Variants in FHIT observed in about 807,000 individuals in gnomAD.
FHIT encodes the protein fragile histidine triad diadenosine triphosphatase.
A neutral mutation model predicts 17.9 loss-of-function variants in FHIT; 19 were observed. That is an observed-to-expected ratio of 1.06 (90% confidence interval 0.74 to 1.56). FHIT has a LOEUF of 1.56. Among genes scored for constraint, FHIT ranks in the 40% most tolerant of loss-of-function variants. The pLI is 0.00. For missense variants in FHIT, 248 were observed against 189.2 expected, an observed-to-expected ratio of 1.31 and a Z score of -1.82; for synonymous variants, 81 against 69.7, an observed-to-expected ratio of 1.16 and a Z score of -0.81.
intron 3 of FHIT, among the ~76,000 whole-genome samples, chr3:60,951,411 C>T (rs1025146042): frequency 3.3e-4 from 50 of 152,280 alleles, no homozygotes; most frequent in African/African-American, 1.2e-3. Flanking sequence ...ACTATGGTGT[C>T]AGGTGCTACT....
intron 8 of FHIT, among the ~76,000 whole-genome samples, chr3:59,800,527 C>T (rs908670717): frequency 2.0e-5 from 3 of 152,170 alleles, no homozygotes; most frequent in African/African-American, 7.2e-5. Flanking sequence ...CAGAGAGTTA[C>T]AAGACACATT....
At position 60,492,855 on chromosome 3, in the gene FHIT, T is replaced by G. The variant is rs2034125735; in HGVS notation, c.103+44005A>C. On this transcript the variant is annotated intron_variant, in intron 5 of 9. Transcript: ENST00000492590. The stretch of plus-strand genomic sequence containing the variant: ...AAAGCCATGTGCACAAAAGATTTAG[T>G]GCATTCATGTGTCTTTATTCATTCA... Among the ~76,000 whole-genome samples the G allele has an allele frequency of 2.0e-5, 3 of 152,142 alleles. No homozygotes were observed. The South Asian group carries it at 6.2e-4, about 32-fold the overall frequency.
intron 1 of FHIT, chr3:61,244,136 G>T (rs2040433130): frequency 6.6e-6 from 1 of 152,080 alleles, no homozygotes; most frequent in African/African-American, 2.4e-5. Flanking sequence ...AATCTTAGAT[G>T]CACTTTAGAA....
At chr3:60,701,370 C>A (rs782744660) in intron 4 of FHIT, among the ~76,000 whole-genome samples, 6 of 152,112 alleles carry the variant, frequency 3.9e-5, no homozygotes, top group Non-Finnish European at 7.3e-5. Flanking sequence ...GTTTAATTCA[C>A]GCAGAGCAGG....
chr3:59,903,129 T>C (rs1704411216), intron 8 of FHIT, among the ~76,000 whole-genome samples: 1 of 152,140 alleles, frequency 6.6e-6, no homozygotes, highest in Admixed American at 6.5e-5. Flanking sequence ...TGCGGATACA[T>C]GCCAAAAGAT....
chr3:60,188,868 G>A (rs1377027367), intron 5 of FHIT, among the ~76,000 whole-genome samples: 1 of 151,964 alleles, frequency 6.6e-6, no homozygotes, highest in Non-Finnish European at 1.5e-5. Context: ...CTCTCACAAA[G>A]CAATTTTTTT....
chr3:60,805,486 T>C (rs1194195103), intron 4 of FHIT, among the ~76,000 whole-genome samples: 1 of 152,152 alleles, frequency 6.6e-6, no homozygotes, highest in Non-Finnish European at 1.5e-5. Context: ...AGGGCACCAG[T>C]TGCATTGGAT....
At chr3:61,113,578 C>T (rs2036219338) in intron 2 of FHIT, among the ~76,000 whole-genome samples, 1 of 152,082 alleles carries the variant, frequency 6.6e-6, no homozygotes, top group South Asian at 2.1e-4. Flanking sequence ...CCTTAGAAAG[C>T]CCCCCACACC....
At chr3:61,175,717 C>T (rs72879843) in intron 2 of FHIT, among the ~76,000 whole-genome samples, 5,697 of 152,092 alleles carry the variant, frequency 0.037, 354 homozygotes, top group African/African-American at 0.13. Flanking sequence ...CATGTGAGGA[C>T]ATGGTGTACT....
chr3:60,654,358 G>T (rs946458799), intron 4 of FHIT, among the ~76,000 whole-genome samples: 1 of 152,138 alleles, frequency 6.6e-6, no homozygotes, highest in South Asian at 2.1e-4. Flanking sequence ...CCAGCAAACA[G>T]TGACTCCAAC....
chr3:59,762,449 C>A (rs75598096), intron 8 of FHIT, among the ~76,000 whole-genome samples: 5,254 of 152,170 alleles, frequency 0.035, 199 homozygotes, highest in African/African-American at 0.088. Flanking sequence ...GAACTTAAAT[C>A]ACTCAACCAA....
At chr3:60,965,079 A>G (rs1229663519) in intron 3 of FHIT, among the ~76,000 whole-genome samples, 1 of 152,168 alleles carries the variant, frequency 6.6e-6, no homozygotes, top group East Asian at 1.9e-4. Flanking sequence ...AAGCAGACGT[A>G]GATTTGGTCT....
intron 5 of FHIT, among the ~76,000 whole-genome samples, chr3:60,107,115 G>A (rs1287915685): frequency 7.4e-6 from 1 of 135,600 alleles, no homozygotes; most frequent in Admixed American, 7.2e-5. Flanking sequence ...AGGCTCATTT[G>A]ATTAAATAAA....
chr3:60,754,382 G>A (rs1440649838), intron 4 of FHIT, among the ~76,000 whole-genome samples: 2 of 152,138 alleles, frequency 1.3e-5, no homozygotes, highest in Non-Finnish European at 2.9e-5. Context: ...AGTAGAGGCT[G>A]GTTTAGAAAA....
intron 8 of FHIT, among the ~76,000 whole-genome samples, chr3:59,773,246 C>T (rs1335738537): frequency 6.6e-6 from 1 of 152,174 alleles, no homozygotes; most frequent in Non-Finnish European, 1.5e-5. Flanking sequence ...GCCCAGAGCT[C>T]ACAGCCCCGG....
chr3:60,124,049 G>GAGAC (rs1329419900), intron 5 of FHIT, among the ~76,000 whole-genome samples: 35 of 109,462 alleles, frequency 3.2e-4, no homozygotes, highest in African/African-American at 1.5e-3. Flanking sequence ...GAGAGAGAGA[G>GAGAC]AGAGAGACAG....
chr3:60,029,608 G>C (rs1036203773), intron 5 of FHIT, among the ~76,000 whole-genome samples: 6 of 152,138 alleles, frequency 3.9e-5, no homozygotes, highest in Non-Finnish European at 8.8e-5. Flanking sequence ...AGTAGCCTGA[G>C]AACTGCATGT....
At chr3:61,137,303 C>T (rs963371855) in intron 2 of FHIT, among the ~76,000 whole-genome samples, 10 of 125,822 alleles carry the variant, frequency 7.9e-5, no homozygotes, top group Admixed American at 4.6e-4. Flanking sequence ...ACTCTTCTCA[C>T]TATTTGTAAT....
intron 2 of FHIT, among the ~76,000 whole-genome samples, chr3:61,045,439 C>G (rs1376731299): frequency 6.6e-6 from 1 of 152,186 alleles, no homozygotes; most frequent in African/African-American, 2.4e-5. Context: ...GAAGAGCTAA[C>G]TATCCTAAAT....
Sources: gnomAD v4.1 joint callset for allele counts (sites outside exome capture counted in the v4.1 genomes callset) on GRCh38, gnomAD v4.1.1 for gene constraint, MANE v1.5 for transcripts, NCBI Gene and HGNC (gene_info 2026-07-23, HGNC 2026-07-21) for gene names.